The following SPAG17 variants were observed in gnomAD, a reference collection of about 807,000 sequenced individuals.
SPAG17 encodes the protein sperm associated antigen 17, also known as sperm-associated antigen 17.
Under a neutral mutation model 273.6 loss-of-function variants are expected in SPAG17, and 169 were observed. The ratio of observed to expected loss-of-function variants is 0.62; its 90% confidence interval spans 0.55 to 0.70. SPAG17 has a LOEUF of 0.70. Among genes scored for constraint, SPAG17 ranks in the 30% least tolerant of loss-of-function variants. The pLI is 0.00. For synonymous variants in SPAG17, 825 were observed against 873.2 expected (o/e 0.94, Z 0.97); for missense variants, 2,557 against 2,627.8 (o/e 0.97, Z 0.59).
intron 18 of SPAG17, among the ~76,000 whole-genome samples, chr1:118,064,348 A>G (rs1324655475): frequency 6.6e-6 from 1 of 151,878 alleles, no homozygotes; most frequent in African/African-American, 2.4e-5. Context: ...AATGTCCAAC[A>G]ACGATAGACT....
intron 13 of SPAG17, among the ~76,000 whole-genome samples, chr1:118,083,602 T>A (rs1654764308): frequency 1.3e-5 from 2 of 151,962 alleles, no homozygotes; most frequent in African/African-American, 2.4e-5. Flanking sequence ...CTGACCAACA[T>A]GGTGAAAGCC....
At chr1:118,048,759 G>A (rs751547428) in intron 20 of SPAG17, among the ~76,000 whole-genome samples, 21 of 152,116 alleles carry the variant, frequency 1.4e-4, no homozygotes, top group Non-Finnish European at 2.8e-4. Context: ...TGCCAGGCAT[G>A]GTGGTGTATG....
chr1:117,994,285 T>C, intron 35 of SPAG17, 121 bp downstream of exon 35: 9 of 1,107,442 alleles, frequency 8.1e-6, no homozygotes, highest in Non-Finnish European at 1.1e-5. Flanking sequence ...CTTGAGCACA[T>C]TAAAAATTTA....
intron 3 of SPAG17, among the ~76,000 whole-genome samples, chr1:118,137,085 CCCT>C (rs1558038109): frequency 6.6e-6 from 1 of 151,924 alleles, no homozygotes; most frequent in Non-Finnish European, 1.5e-5. Context: ...ATCTTTTTTT[CCCT>C]CAATGATATT....
chr1:118,049,283 A>G (rs1266388604), intron 20 of SPAG17, among the ~76,000 whole-genome samples: 1 of 152,230 alleles, frequency 6.6e-6, no homozygotes, highest in African/African-American at 2.4e-5. Context: ...ATAAAATGAC[A>G]GGCCGTTGTC....
At position 117,953,825 on chromosome 1, in the gene SPAG17, A is replaced by G. The variant is rs1651769758; in HGVS notation, c.*225T>C. 8.2e-6 allele frequency: 5 copies of G among 612,838 alleles called. No individual in the cohort carries two copies. The highest frequency in any genetic ancestry group is 1.4e-5 in the Non-Finnish European group (5 of 354,800). 38.0% of individuals were successfully genotyped at this position (612,838 alleles called of 1,614,324 possible). A position where few individuals can be genotyped will look rare whatever the true frequency, so the allele number is the denominator to read the frequency against. ...CCATGACACTCAGTCTCTTCCCTGT[A>G]CATTAAAAAATAAGAAAACCAAAAA... On this transcript the variant is annotated 3_prime_UTR_variant, in exon 49 of 49. Transcript: ENST00000336338.
At chr1:118,067,032 A>G (rs1485875483) in intron 17 of SPAG17, 133 bp from the exon 18 acceptor site, 1 of 796,220 alleles carries the variant, frequency 1.3e-6, no homozygotes, top group East Asian at 3.0e-5. Context: ...TGAAATTCCC[A>G]GAGGTTTCTT....
chr1:118,006,179 A>G (rs1452236444), intron 31 of SPAG17, among the ~76,000 whole-genome samples: 1 of 152,234 alleles, frequency 6.6e-6, no homozygotes, highest in African/African-American at 2.4e-5. Context: ...ATATTCAAAA[A>G]TGTGTGAAGC....
At chr1:118,035,317 T>A (rs1330269346) in intron 24 of SPAG17, among the ~76,000 whole-genome samples, 1 of 152,162 alleles carries the variant, frequency 6.6e-6, no homozygotes, top group Non-Finnish European at 1.5e-5. Context: ...AAATCAAGAT[T>A]AATAAAATCA....
intron 43 of SPAG17, among the ~76,000 whole-genome samples, chr1:117,977,194 G>C (rs906734953): frequency 6.6e-6 from 1 of 151,680 alleles, no homozygotes; most frequent in Non-Finnish European, 1.5e-5. Flanking sequence ...GATGGTGGGT[G>C]CCTGTAATCC....
intron 20 of SPAG17, among the ~76,000 whole-genome samples, chr1:118,043,872 T>C (rs538046403): frequency 3.3e-4 from 51 of 152,346 alleles, no homozygotes; most frequent in African/African-American, 1.2e-3. Flanking sequence ...AGACATATCC[T>C]TTCTTTGTTT....
At chr1:118,037,287 G>T (rs1189679530) in intron 23 of SPAG17, among the ~76,000 whole-genome samples, 1 of 152,100 alleles carries the variant, frequency 6.6e-6, no homozygotes, top group Non-Finnish European at 1.5e-5. Context: ...AAAGTTTAAA[G>T]AATTTAAAAA....
chr1:118,142,392 G>A (rs916325181), intron 3 of SPAG17, among the ~76,000 whole-genome samples: 15 of 152,102 alleles, frequency 9.9e-5, no homozygotes, highest in African/African-American at 3.6e-4. Context: ...AGTTGTGAAC[G>A]TTGGTTGCAC....
At position 118,085,981 on chromosome 1, in the gene SPAG17, G is replaced by A. The variant is rs751695765; in HGVS notation, c.1703C>T (p.Pro568Leu). 6.2e-7 allele frequency: 1 copy of A among 1,613,776 alleles called. No homozygotes were observed. The highest frequency in any genetic ancestry group is 8.5e-7 in the Non-Finnish European group (1 of 1,179,878). ...WEFLQFPLPP[P>L]WNNTKRLATI... ...AGCTAGACGTTTAGTGTTGTTCCATGGTGGGGGTAGAGGGAATTGAAGAAA... is the reference window on the plus strand; with the variant it reads ...AGCTAGACGTTTAGTGTTGTTCCATAGTGGGGGTAGAGGGAATTGAAGAAA... Residue 568 changes from proline (P) to leucine (L), a missense_variant, in exon 13 of 49, where the codon CCA (proline) becomes CTA (leucine). Pro to Leu is a moderately conservative substitution (Grantham distance 98). Coordinates refer to ENST00000336338, the MANE Select transcript of SPAG17 (RefSeq NM_206996.4).
chr1:118,019,159 G>A (rs570918360), intron 28 of SPAG17, among the ~76,000 whole-genome samples: 1 of 151,330 alleles, frequency 6.6e-6, no homozygotes, highest in South Asian at 2.1e-4. Context: ...ATTCAAGTGA[G>A]AGCCAGAAGA....
chr1:118,119,458 C>T (rs1226231692), intron 3 of SPAG17, among the ~76,000 whole-genome samples: 1 of 152,156 alleles, frequency 6.6e-6, no homozygotes, highest in Non-Finnish European at 1.5e-5. Context: ...AGCACTTTCC[C>T]TCCAGGAGCT....
chr1:117,994,553 A>G (rs778530109), intron 34 of SPAG17, 23 bp from the exon 35 acceptor site: 1 of 1,598,898 alleles, frequency 6.3e-7, no homozygotes, highest in Non-Finnish European at 8.5e-7. Flanking sequence ...AAGTTGTCAG[A>G]AGACCATTAC....
rs781360551 is a variant in SPAG17 at position 117,981,307 on chromosome 1, A to G, written c.5967T>C (p.Ala1989=). 2.7e-5 allele frequency: 43 copies of G among 1,593,850 alleles called. No individual in the cohort carries two copies. The highest frequency in any genetic ancestry group is 3.6e-5 in the Non-Finnish European group (42 of 1,175,266). The change falls in exon 43 of 49, where the codon GCT becomes GCC. Residue 1989 remains alanine (A), a synonymous_variant. Coordinates refer to ENST00000336338, the MANE Select transcript of SPAG17 (RefSeq NM_206996.4). ...TTGTTAAATTTTCAGTTTGGTTCTG[A>G]GCAGTGAAATCCTTCTTATCTGCAG... ...EISADKKDFT[A]QNQTENLTKS... is the part of the protein sequence containing the mutation.
At chr1:118,110,934 G>C (rs1656719888) in intron 4 of SPAG17, among the ~76,000 whole-genome samples, 1 of 152,118 alleles carries the variant, frequency 6.6e-6, no homozygotes, top group Non-Finnish European at 1.5e-5. Context: ...ACTGAGAGTA[G>C]CTGTTTGGCC....
Sources: allele counts gnomAD v4.1 joint callset (sites outside exome capture counted in the v4.1 genomes callset), GRCh38; gene constraint gnomAD v4.1.1; transcripts MANE v1.5; gene names NCBI Gene and HGNC (gene_info 2026-07-23, HGNC 2026-07-21).